The following PCDHGB2 variants were observed in gnomAD, a reference collection of about 807,000 sequenced individuals.
PCDHGB2 encodes the protein protocadherin gamma-B2.
In PCDHGB2, 55 loss-of-function variants were observed where a neutral mutation model predicts 59.3. The ratio of observed to expected loss-of-function variants is 0.93; its 90% CI spans 0.75 to 1.16. PCDHGB2 has a LOEUF of 1.16. PCDHGB2 is among the 50% of genes most tolerant of loss of function. The pLI is 0.00. For synonymous variants in PCDHGB2, 516 were observed against 512.0 expected (o/e 1.01, Z -0.11); for missense variants, 1,228 against 1,198.5 (o/e 1.02, Z -0.36).
At position 141,374,284 on chromosome 5, in the gene PCDHGB2, C is replaced by A. The variant is rs756823871; in HGVS notation, c.2421+11728C>A. ...TGGCGGAGCACGGAGTCCGCATCGT[C>A]TCCAGAGGTAGGATGCAGCTTTTCT... is the stretch of plus-strand genomic sequence containing the variant. On this transcript the variant is annotated intron_variant, in intron 1 of 3. Transcript: ENST00000522605. The A allele has an allele frequency of 3.7e-6, 6 of 1,613,880 alleles. No individual in the cohort carries two copies. In the Admixed American group the frequency reaches 8.3e-5, roughly 22 times the overall value.
chr5:141,377,114 GA>G (rs1209005663), intron 1 of PCDHGB2: 4 of 152,232 alleles, frequency 2.6e-5, no homozygotes, highest in African/African-American at 9.7e-5. Flanking sequence ...AGAATGTTCT[GA>G]AGTCTTAATT....
intron 1 of PCDHGB2, chr5:141,415,000 T>G: frequency 6.2e-7 from 1 of 1,613,660 alleles, no homozygotes; most frequent in Non-Finnish European, 8.5e-7. Context: ...CGCCTGGCTG[T>G]CCTACCGTCT....
chr5:141,462,408 A>G (rs1240372917), intron 1 of PCDHGB2, among the ~76,000 whole-genome samples: 2 of 152,188 alleles, frequency 1.3e-5, no homozygotes, highest in Non-Finnish European at 2.9e-5. Context: ...ATGGCACAGA[A>G]TATGGTCTAT....
At chr5:141,415,342 T>C (rs1305683222) in intron 1 of PCDHGB2, 2 of 1,614,108 alleles carry the variant, frequency 1.2e-6, no homozygotes, top group African/African-American at 2.7e-5. Context: ...GCTGCGGCGC[T>C]GGCACAAGTC....
At chr5:141,395,578 G>A (rs2093281923) in intron 1 of PCDHGB2, 1 of 227,714 alleles carries the variant, frequency 4.4e-6, no homozygotes, top group East Asian at 9.3e-5. Flanking sequence ...GTGTGTGTGT[G>A]TGTGTGTGTG....
chr5:141,385,526 G>C (rs1265906180), intron 1 of PCDHGB2: 1 of 1,352,594 alleles, frequency 7.4e-7, no homozygotes, highest in East Asian at 2.7e-5. Context: ...CTATGGACAA[G>C]ATTATGAATA....
At chr5:141,415,079 C>A (rs1388248799) in intron 1 of PCDHGB2, 1 of 1,613,380 alleles carries the variant, frequency 6.2e-7, no homozygotes, top group Non-Finnish European at 8.5e-7. Context: ...ACGGCGCGAG[C>A]CCTGCTGGAC....
At chr5:141,502,134 C>T (rs566073996) in intron 2 of PCDHGB2, among the ~76,000 whole-genome samples, 10 of 152,288 alleles carry the variant, frequency 6.6e-5, no homozygotes, top group African/African-American at 2.2e-4. Flanking sequence ...AGAGCTCAGT[C>T]GGGCCGGAAG....
intron 1 of PCDHGB2, chr5:141,478,619 A>G: frequency 6.4e-7 from 1 of 1,555,598 alleles, no homozygotes; most frequent in Non-Finnish European, 8.7e-7. Context: ...GAAGGAATGG[A>G]GCTGTTTTTT....
At chr5:141,394,657 G>A (rs1179529074) in intron 1 of PCDHGB2, 2 of 1,613,220 alleles carry the variant, frequency 1.2e-6, no homozygotes, top group East Asian at 2.2e-5. Flanking sequence ...AGCGAGCCGG[G>A]ACTCTTCTCG....
At chr5:141,419,922 T>C (rs761868361) in intron 1 of PCDHGB2, 1 of 1,614,090 alleles carries the variant, frequency 6.2e-7, no homozygotes, top group South Asian at 1.1e-5. Flanking sequence ...CAGGCTGAGA[T>C]GCAGTTTTAC....
rs375101471 is a variant in PCDHGB2 at position 141,365,778 on chromosome 5, A to G, written c.2421+3222A>G. 86 of 1,613,764 alleles carry G rather than the reference A, an allele frequency of 5.3e-5. No homozygotes were observed. The highest frequency in any genetic ancestry group is 6.9e-5 in the Non-Finnish European group (82 of 1,179,892). ...ACAGCCCATGACCCCGACAGCGGCG[A>G]CAACGCTCGAGTCACCTACTCCCTG... On this transcript the variant is annotated intron_variant, in intron 1 of 3. Coordinates refer to ENST00000522605, the MANE Select transcript of PCDHGB2 (RefSeq NM_018923.3).
chr5:141,406,344 A>G (rs1227863234), intron 1 of PCDHGB2, among the ~76,000 whole-genome samples: 1 of 152,148 alleles, frequency 6.6e-6, no homozygotes, highest in Non-Finnish European at 1.5e-5. Flanking sequence ...TCATTTATTC[A>G]GGTCATACTA....
intron 1 of PCDHGB2, chr5:141,415,362 G>A (rs769596449): frequency 4.3e-6 from 7 of 1,614,126 alleles, no homozygotes; most frequent in African/African-American, 1.3e-5. Context: ...CACGCCTGCT[G>A]CAGGCTTCAG....
In PCDHGB2 at chr5:141,485,179, C is replaced by G. The variant is rs1405000217; in HGVS notation, c.2422-9628C>G. The G allele has an allele frequency of 1.2e-6, 2 of 1,612,648 alleles. No homozygotes were observed. Among genetic ancestry groups the G allele is most frequent in the African/African-American group, 2.7e-5 (2 of 74,924 alleles). ...AGAATTAGCGGGCGGCAGCAATGCT[C>G]CGCAAGGTGAGAAGCTGGACAGAAA... is the stretch of plus-strand genomic sequence containing the variant. On this transcript the variant is annotated intron_variant, in intron 1 of 3. Transcript: ENST00000522605. This position sits in a 1 kb window ranked among gnomAD's most constrained non-coding sequence, Gnocchi z 5.7.
intron 1 of PCDHGB2, chr5:141,433,024 C>A: frequency 6.2e-7 from 1 of 1,614,168 alleles, no homozygotes; most frequent in African/African-American, 1.3e-5. Flanking sequence ...CCTATTCCCA[C>A]GAGGTTTCCC....
Position 141,393,015 on chromosome 5 carries a change from T to C in PCDHGB2, c.2421+30459T>C, listed in dbSNP as rs755462760. On this transcript the variant is annotated intron_variant, in intron 1 of 3. Transcript: ENST00000522605. The stretch of plus-strand genomic sequence containing the variant: ...GGCGAAGCACGGAGTCCGTATCGTC[T>C]CCAGAGGTAGGACGCAGCTCTTTGC... The C allele has an allele frequency of 7.9e-5, 127 of 1,613,696 alleles. No homozygotes were observed. The highest frequency in any genetic ancestry group is 1.1e-4 in the Non-Finnish European group (124 of 1,179,874).
chr5:141,388,391 T>C, intron 1 of PCDHGB2: 2 of 1,613,964 alleles, frequency 1.2e-6, no homozygotes, highest in Non-Finnish European at 1.7e-6. Flanking sequence ...CACTGCAGAA[T>C]TACCAACTCA....
intron 1 of PCDHGB2, chr5:141,398,999 A>C: frequency 6.2e-7 from 1 of 1,613,964 alleles, no homozygotes; most frequent in East Asian, 2.2e-5. Context: ...TTTAGTCTGA[A>C]TTCAAAGAGC....
Sources: gnomAD v4.1 joint callset for allele counts (sites outside exome capture counted in the v4.1 genomes callset) on GRCh38, gnomAD v4.1.1 for gene constraint, Gnocchi (gnomAD v3.1) non-coding constraint, MANE v1.5 for transcripts, NCBI Gene and HGNC (gene_info 2026-07-23, HGNC 2026-07-21) for gene names.